PPP2R2D: variants seen among roughly 807,000 people sequenced by gnomAD.
The protein encoded by PPP2R2D is serine/threonine-protein phosphatase 2A 55 kDa regulatory subunit B delta isoform.
Under a neutral mutation model 31.1 loss-of-function variants are expected in PPP2R2D, and 9 were observed. The observed-to-expected ratio is 0.29, with a 90% CI of 0.17 to 0.51. The LOEUF is 0.51. Ranked by LOEUF, PPP2R2D falls within the 20% of genes least tolerant of loss-of-function variation. The pLI is 0.98. For missense variants in PPP2R2D, 391 were observed against 465.6 expected (o/e 0.84, Z 1.48); for synonymous variants, 179 against 172.6 (o/e 1.04, Z -0.29).
intron 8 of PPP2R2D, 85 bp from the exon 9 acceptor site, chr10:131,955,599 G>T: frequency 8.2e-7 from 1 of 1,225,968 alleles, no homozygotes; most frequent in Non-Finnish European, 1.1e-6. Context: ...GGTGGCGTGC[G>T]CTGTGCACCC....
In PPP2R2D at chr10:131,957,877, TC is replaced by T. The variant is rs1554900407; in HGVS notation, c.*1919del. On this transcript the variant is annotated 3_prime_UTR_variant, in exon 9 of 9. Coordinates refer to ENST00000455566, the MANE Select transcript of PPP2R2D (RefSeq NM_018461.5). ...GATGAAGGGGTGTGTTGATCCCCTG[TC>T]CCCCTGTGGAGATGGTGTGTGCTGA... The T allele has an allele frequency of 8.4e-6, 1 of 119,524 alleles. No homozygotes were observed. The highest frequency in any genetic ancestry group is 3.5e-5 in the African/African-American group (1 of 28,394). The allele number at this position is 119,524 out of a possible 1,614,324, so 7.4% of individuals were successfully genotyped here.
At chr10:131,918,543 T>C (rs1208578375) in intron 2 of PPP2R2D, among the ~76,000 whole-genome samples, 4 of 148,038 alleles carry the variant, frequency 2.7e-5, no homozygotes, top group Non-Finnish European at 4.4e-5. Flanking sequence ...TGACACAGTG[T>C]AGGGATCTCA....
intron 8 of PPP2R2D, among the ~76,000 whole-genome samples, chr10:131,950,018 T>C (rs1425440383): frequency 6.8e-6 from 1 of 147,350 alleles, no homozygotes; most frequent in Non-Finnish European, 1.5e-5. Context: ...GTATGATACA[T>C]GACCGCCAAA....
chr10:131,970,290 G>C, the PPP2R2D span: 1 of 273,914 alleles, frequency 3.7e-6, no homozygotes, highest in Non-Finnish European at 6.9e-6. This position sits in a 1 kb window ranked among gnomAD's most constrained non-coding sequence, Gnocchi z 4.1. Context: ...AGCAGAGCTG[G>C]GTGCATTCCC....
At chr10:131,938,913 GA>G (rs1460071101) in intron 3 of PPP2R2D, among the ~76,000 whole-genome samples, 16 of 152,206 alleles carry the variant, frequency 1.1e-4, no homozygotes, top group African/African-American at 3.6e-4. Flanking sequence ...AGACTCAGCA[GA>G]CACTTTCTCT....
At chr10:131,922,454 GTT>G (rs11298994) in intron 2 of PPP2R2D, among the ~76,000 whole-genome samples, 358 of 133,770 alleles carry the variant, frequency 2.7e-3, no homozygotes, top group African/African-American at 8.9e-3. Context: ...TCTGTCAATT[GTT>G]TTTTTTTTTT....
At chr10:131,944,267 C>G in intron 6 of PPP2R2D, 122 bp downstream of exon 6, 2 of 738,692 alleles carry the variant, frequency 2.7e-6, no homozygotes, top group Non-Finnish European at 4.3e-6. Flanking sequence ...CACTGCACAG[C>G]AGCCTGTGAT....
At chr10:131,906,621 T>C (rs1218479297) in intron 2 of PPP2R2D, among the ~76,000 whole-genome samples, 1 of 152,062 alleles carries the variant, frequency 6.6e-6, no homozygotes, top group Non-Finnish European at 1.5e-5. Flanking sequence ...AGTTACTGTT[T>C]CATTGAATGT....
intron 3 of PPP2R2D, among the ~76,000 whole-genome samples, chr10:131,939,583 A>G (rs2036403389): frequency 1.4e-5 from 2 of 147,088 alleles, no homozygotes; most frequent in South Asian, 2.2e-4. Flanking sequence ...GACCTGCTCC[A>G]GAGAACACGG....
intron 2 of PPP2R2D, among the ~76,000 whole-genome samples, chr10:131,924,955 A>G (rs1247338294): frequency 6.6e-6 from 1 of 151,518 alleles, no homozygotes. Context: ...TTATTTCTGA[A>G]TTTTTCATTG....
intron 2 of PPP2R2D, among the ~76,000 whole-genome samples, chr10:131,929,398 C>T (rs1373310398): frequency 3.3e-5 from 5 of 152,184 alleles, no homozygotes; most frequent in African/African-American, 7.2e-5. Flanking sequence ...AGGCCACCCA[C>T]GCAGTGCTTG....
rs2035759008 is a variant in PPP2R2D at position 131,915,334 on chromosome 10, G to T, written c.100+14004G>T. 2.0e-5 allele frequency among the ~76,000 whole-genome samples: 3 copies of T among 152,122 alleles called. No homozygotes were observed. In the South Asian group the frequency reaches 6.2e-4, roughly 31 times the overall value. ...CGTCTCAGCTTTGCTCCCGTCCTTTGCAGTAACCTGTGTACGGGAGGCTCC... is the reference window on the plus strand; with the variant it reads ...CGTCTCAGCTTTGCTCCCGTCCTTTTCAGTAACCTGTGTACGGGAGGCTCC... On this transcript the variant is annotated intron_variant, in intron 2 of 8. Transcript: ENST00000455566.
chr10:131,951,504 A>G (rs1463522746), intron 8 of PPP2R2D, among the ~76,000 whole-genome samples: 2 of 152,232 alleles, frequency 1.3e-5, no homozygotes, highest in Non-Finnish European at 2.9e-5. Flanking sequence ...TGTTTAAGAC[A>G]TACAAGACGG....
In PPP2R2D at chr10:131,956,212, G is replaced by A. The variant is rs1048940446; in HGVS notation, c.*249G>A. 23 of 1,194,662 alleles carry A rather than the reference G, an allele frequency of 1.9e-5. No individual in the cohort carries two copies. The highest frequency in any genetic ancestry group is 8.5e-5 in the South Asian group (2 of 23,496). 74.0% of individuals were successfully genotyped at this position (1,194,662 alleles called of 1,614,324 possible). ...AGTTGACGGACACTGCTCCCAAAAGGTCATTACTCAGAATAAATGTATTTA... is the reference window on the plus strand; with the variant it reads ...AGTTGACGGACACTGCTCCCAAAAGATCATTACTCAGAATAAATGTATTTA... On this transcript the variant is annotated 3_prime_UTR_variant, in exon 9 of 9. Coordinates refer to ENST00000455566, the MANE Select transcript of PPP2R2D (RefSeq NM_018461.5).
chr10:131,928,712 A>G (rs781794333), intron 2 of PPP2R2D, among the ~76,000 whole-genome samples: 4 of 152,222 alleles, frequency 2.6e-5, no homozygotes, highest in Non-Finnish European at 5.9e-5. Context: ...CCAGAGAAGT[A>G]GAGAAGTGAA....
chr10:131,970,794 C>T, the PPP2R2D span: 15 of 1,614,044 alleles, frequency 9.3e-6, no homozygotes, highest in Middle Eastern at 1.6e-4. The surrounding 1 kb of genome is among the most constrained non-coding windows in gnomAD (Gnocchi z 4.1). Flanking sequence ...CTCCCTGAGG[C>T]GGGAAGAAAC....
At chr10:131,962,178 A>G (rs1411006674), downstream of PPP2R2D, among the ~76,000 whole-genome samples, 1 of 152,212 alleles carries the variant, frequency 6.6e-6, no homozygotes, top group Non-Finnish European at 1.5e-5. Context: ...CCCGGTGATG[A>G]CACCAAATCG....
At chr10:131,932,667 A>AAAAAAAAAAAAAAAAAAC (rs1564817986) in intron 2 of PPP2R2D, among the ~76,000 whole-genome samples, 4 of 133,174 alleles carry the variant, frequency 3.0e-5, no homozygotes, top group South Asian at 2.2e-4. Context: ...AAAAAAAAAA[A>AAAAAAAAAAAAAAAAAAC]ACACACAAAA....
chr10:131,920,152 CGTG>C (rs1386732497), intron 2 of PPP2R2D, among the ~76,000 whole-genome samples: 1 of 146,428 alleles, frequency 6.8e-6, no homozygotes, highest in Non-Finnish European at 1.5e-5. Context: ...AGGGACCTCA[CGTG>C]GGTGGAATGA....
Sources: allele counts gnomAD v4.1 joint callset (sites outside exome capture counted in the v4.1 genomes callset), GRCh38; gene constraint gnomAD v4.1.1; non-coding constraint Gnocchi (gnomAD v3.1); transcripts MANE v1.5; gene names NCBI Gene and HGNC (gene_info 2026-07-23, HGNC 2026-07-21).